PTBP1: variants seen among roughly 807,000 people sequenced by gnomAD.
PTBP1 encodes polypyrimidine tract binding protein 1, also known as polypyrimidine tract-binding protein 1.
PTBP1 carries 8 observed loss-of-function variants against 59.8 expected under a neutral mutation model. That is an observed-to-expected ratio of 0.13 (90% CI 0.08 to 0.24). The LOEUF (loss-of-function observed/expected upper bound fraction) is 0.24, where lower values mean the gene tolerates loss of function less well. Among genes scored for constraint, PTBP1 ranks in the 10% least tolerant of loss-of-function variants. PTBP1 has a pLI of 1.00. For synonymous variants in PTBP1, 490 were observed against 320.7 expected, an observed-to-expected ratio of 1.53 and a Z score of -5.64; for missense variants, 686 against 767.0, an observed-to-expected ratio of 0.89 and a Z score of 1.25.
chr19:810,480 C>T lies in PTBP1; in HGVS notation c.1464-63C>T, dbSNP rs138522566. Reference sequence around the variant, plus strand: ...GAAAACTAGTCTGGGGAAAGCCTCGCGGACCTGACTGGGCGCCCCCACCCC... The same window carrying T: ...GAAAACTAGTCTGGGGAAAGCCTCGTGGACCTGACTGGGCGCCCCCACCCC... On this transcript the variant is annotated intron_variant, in intron 13 of 14. Transcript: ENST00000356948. The T allele has an allele frequency of 1.7e-3, 2,476 of 1,443,966 alleles. 12 individuals are homozygous for T. The highest frequency in any genetic ancestry group is 8.9e-3 in the Middle Eastern group (49 of 5,482). 89.4% of individuals were successfully genotyped at this position (1,443,966 alleles called of 1,614,324 possible).
At chr19:805,255 C>T (rs2034510353) in intron 8 of PTBP1, 68 bp downstream of exon 8, 21 of 1,552,676 alleles carry the variant, frequency 1.4e-5, no homozygotes, top group South Asian at 3.5e-5. Context: ...TCCGGAGCCC[C>T]GGCGGCACGG....
At chr19:809,616 G>A (rs529130953) in intron 13 of PTBP1, among the ~76,000 whole-genome samples, 13 of 152,196 alleles carry the variant, frequency 8.5e-5, no homozygotes, top group Non-Finnish European at 1.5e-4. Context: ...CACCACGCCT[G>A]GCCTAATGCA....
At position 810,993 on chromosome 19, in the gene PTBP1, C is replaced by T. The variant is rs1568278063; in HGVS notation, c.*167C>T. On this transcript the variant is annotated 3_prime_UTR_variant, in exon 15 of 15. Transcript: ENST00000356948. ...AAAATTAAATCTAGTTCACCTTGCT[C>T]ACCCTGCGGTGACAGGGACAGCTCA... The T allele has an allele frequency of 1.4e-6, 1 of 709,036 alleles. No homozygotes were observed. Among genetic ancestry groups the T allele is most frequent in the South Asian group, 2.5e-5 (1 of 40,712 alleles). The allele number at this position is 709,036 out of a possible 1,614,324, so 43.9% of individuals were successfully genotyped here.
In PTBP1 at chr19:806,559, A is replaced by G. The variant is rs201755241; in HGVS notation, c.1119+3A>G. On this transcript the variant is annotated splice_donor_region_variant and intron_variant, in intron 10 of 14. Coordinates refer to ENST00000356948, the MANE Select transcript of PTBP1 (RefSeq NM_002819.5). ...TGGTCAGCAACCTCAACCCAGAGGT[A>G]CGTGGGCTTTTCCTCCGCGCCGCCG... is the stretch of plus-strand genomic sequence containing the variant. 10,728 of 1,499,032 alleles carry G rather than the reference A, an allele frequency of 7.2e-3. 69 individuals are homozygous for G. Among genetic ancestry groups the G allele is most frequent in the Middle Eastern group, 0.021 (115 of 5,592 alleles). 92.9% of individuals were successfully genotyped at this position (1,499,032 alleles called of 1,614,324 possible).
Position 808,840 on chromosome 19 carries a change from T to G in PTBP1, c.1463+78T>G, listed in dbSNP as rs868053440. ...TTGGCTGTCCTACCGCGTCGGTGTG[T>G]GGACTTCTGGCGTTTCCAGAGTGCA... On this transcript the variant is annotated intron_variant, in intron 13 of 14. Transcript: ENST00000356948. The surrounding 1 kb of genome is among the most constrained non-coding windows in gnomAD (Gnocchi z 4.7). The G allele has an allele frequency of 8.0e-6, 11 of 1,376,792 alleles. 1 individual carries two copies. In the Middle Eastern group the frequency reaches 5.3e-4, roughly 67 times the overall value. 85.3% of individuals were successfully genotyped at this position (1,376,792 alleles called of 1,614,324 possible).
Position 808,708 on chromosome 19 carries a change from A to G in PTBP1, c.1409A>G (p.Lys470Arg). 1 of 1,613,292 alleles carries G rather than the reference A, an allele frequency of 6.2e-7. No homozygotes were observed. The highest frequency in any genetic ancestry group is 8.5e-7 in the Non-Finnish European group (1 of 1,179,920). Residue 470 changes from lysine to arginine, a missense_variant, in exon 13 of 15, where the codon AAG (lysine) becomes AGG (arginine). Lys to Arg is a conservative substitution (Grantham distance 26). Transcript: ENST00000356948. The surrounding 1 kb of genome is among the most constrained non-coding windows in gnomAD (Gnocchi z 4.7). ...PLHRFKKPGS[K>R]NFQNIFPPSA... Reference sequence around the variant, plus strand: ...CACCGCTTCAAGAAGCCGGGCTCCAAGAACTTCCAGAACATATTCCCGCCC... The same window carrying G: ...CACCGCTTCAAGAAGCCGGGCTCCAGGAACTTCCAGAACATATTCCCGCCC...
At chr19:797,919 T>G (rs1323371454) in intron 1 of PTBP1, among the ~76,000 whole-genome samples, 1 of 147,948 alleles carries the variant, frequency 6.8e-6, no homozygotes, top group East Asian at 2.0e-4. Context: ...CCGTCGCGCG[T>G]CCCCGTTGGC....
chr19:805,321 A>G, intron 8 of PTBP1, 134 bp downstream of exon 8: 1 of 1,232,056 alleles, frequency 8.1e-7, no homozygotes, highest in Non-Finnish European at 1.2e-6. Flanking sequence ...CCAGCACAGC[A>G]CGGTCCAGTG....
chr19:799,566 C>T (rs1743801377), intron 2 of PTBP1, 123 bp downstream of exon 2: 1 of 967,142 alleles, frequency 1.0e-6, no homozygotes, highest in Non-Finnish European at 1.7e-6. Context: ...GGGCACTACC[C>T]TTGGTCTGGA....
At chr19:797,677 T>C (rs2034130517) in intron 1 of PTBP1, among the ~76,000 whole-genome samples, 172 bp downstream of exon 1, 1 of 148,936 alleles carries the variant, frequency 6.7e-6, no homozygotes, top group Non-Finnish European at 1.5e-5. Flanking sequence ...GGTCAGGGGC[T>C]TCCCGGGGGT....
chr19:805,808 C>T (rs1055242848), intron 9 of PTBP1: 7 of 551,160 alleles, frequency 1.3e-5, no homozygotes, highest in African/African-American at 1.1e-4. Flanking sequence ...ATCGCACAGT[C>T]TTTGTGGTCT....
intron 10 of PTBP1, 68 bp downstream of exon 10, chr19:806,624 C>A (rs1030094059): frequency 7.8e-6 from 11 of 1,405,748 alleles, no homozygotes; most frequent in Non-Finnish European, 9.3e-6. Flanking sequence ...TGTGCTCGGG[C>A]TCGGGTCCCG....
chr19:807,683 C>T (rs1314235366), intron 10 of PTBP1, 186 bp from the exon 11 acceptor site: 2 of 521,126 alleles, frequency 3.8e-6, no homozygotes, highest in Non-Finnish European at 6.8e-6. Flanking sequence ...ACAAAAATTC[C>T]CCCTCAAACC....
At chr19:807,817 G>C in intron 10 of PTBP1, 52 bp from the exon 11 acceptor site, 3 of 1,512,294 alleles carry the variant, frequency 2.0e-6, no homozygotes, top group Middle Eastern at 1.7e-4. Flanking sequence ...CGCCCCCCTT[G>C]ACCTCTCCCT....
chr19:805,883 A>T (rs953802768), intron 9 of PTBP1: 1 of 403,848 alleles, frequency 2.5e-6, no homozygotes, highest in African/African-American at 2.0e-5. Flanking sequence ...TGTCTCTAGT[A>T]GTTGAATTTG....
chr19:808,281 G>T lies in PTBP1; in HGVS notation c.1154-79G>T, dbSNP rs1351604247. On this transcript the variant is annotated intron_variant, in intron 11 of 14. Transcript: ENST00000356948. This position sits in a 1 kb window ranked among gnomAD's most constrained non-coding sequence, Gnocchi z 4.7. The stretch of plus-strand genomic sequence containing the variant: ...CCGGGCTGAGCCGGGCCTTGTGGGG[G>T]TGCGCGGGGCCGGGGCTGACGGGGA... 1.6e-6 allele frequency: 2 copies of T among 1,220,956 alleles called. No individual in the cohort carries two copies. Among genetic ancestry groups the T allele is most frequent in the East Asian group, 5.1e-5 (2 of 39,308 alleles). The allele number at this position is 1,220,956 out of a possible 1,614,324, so 75.6% of individuals were successfully genotyped here.
chr19:807,932 T>G (rs1456616263), intron 11 of PTBP1, 30 bp downstream of exon 11: 1 of 1,592,492 alleles, frequency 6.3e-7, no homozygotes, highest in Non-Finnish European at 8.6e-7. Flanking sequence ...TTTATTACCT[T>G]GTTTTCATTA....
Position 808,831 on chromosome 19 carries a change from G to C in PTBP1, c.1463+69G>C. Reference sequence around the variant, plus strand: ...GGGCTCTGCTTGGCTGTCCTACCGCGTCGGTGTGTGGACTTCTGGCGTTTC... The same window carrying C: ...GGGCTCTGCTTGGCTGTCCTACCGCCTCGGTGTGTGGACTTCTGGCGTTTC... On this transcript the variant is annotated intron_variant, in intron 13 of 14. Transcript: ENST00000356948. This position sits in a 1 kb window ranked among gnomAD's most constrained non-coding sequence, Gnocchi z 4.7. The C allele has an allele frequency of 7.0e-7, 1 of 1,432,446 alleles. No individual in the cohort carries two copies. Among genetic ancestry groups the C allele is most frequent in the Non-Finnish European group, 9.6e-7 (1 of 1,039,592 alleles). 88.7% of individuals were successfully genotyped at this position (1,432,446 alleles called of 1,614,324 possible). A position where few individuals can be genotyped will look rare whatever the true frequency, so the allele number is the denominator to read the frequency against.
intron 1 of PTBP1, among the ~76,000 whole-genome samples, 199 bp downstream of exon 1, chr19:797,704 C>G (rs184367561): frequency 1.3e-5 from 2 of 148,242 alleles, no homozygotes; most frequent in African/African-American, 4.9e-5. Flanking sequence ...GCGTCCCCAT[C>G]CCCCGTCCGG....
Sources: allele counts gnomAD v4.1 joint callset (sites outside exome capture counted in the v4.1 genomes callset), GRCh38; gene constraint gnomAD v4.1.1; non-coding constraint Gnocchi (gnomAD v3.1); transcripts MANE v1.5; gene names NCBI Gene and HGNC (gene_info 2026-07-23, HGNC 2026-07-21).